The following KCTD2 variants were observed in gnomAD, a reference collection of about 807,000 sequenced individuals.
KCTD2 encodes potassium channel tetramerization domain containing 2, also known as BTB/POZ domain-containing protein KCTD2.
In KCTD2, 18 loss-of-function variants were observed where a neutral mutation model predicts 27.9. That is an observed-to-expected ratio of 0.64 (90% CI 0.45 to 0.96). The LOEUF (loss-of-function observed/expected upper bound fraction) is 0.96. Ranked by LOEUF, KCTD2 falls within the 40% of genes least tolerant of loss-of-function variation. The pLI, the probability that KCTD2 is intolerant of heterozygous loss-of-function variation, is 0.00. For missense variants in KCTD2, 280 were observed against 348.0 expected (o/e 0.80, Z 1.56); for synonymous variants, 175 against 148.4 (o/e 1.18, Z -1.30).
intron 2 of KCTD2, among the ~76,000 whole-genome samples, chr17:75,051,075 G>T (rs1163602001): frequency 6.6e-6 from 1 of 150,502 alleles, no homozygotes; most frequent in Admixed American, 6.7e-5. Context: ...CCAGGTTCAC[G>T]TCATTCTCCT....
chr17:75,059,514 C>G lies in KCTD2; in HGVS notation c.545C>G (p.Pro182Arg). 3 of 1,612,046 alleles carry G rather than the reference C, an allele frequency of 1.9e-6. No individual in the cohort carries two copies. Among genetic ancestry groups the G allele is most frequent in the Non-Finnish European group, 2.5e-6 (3 of 1,178,704 alleles). Residue 182 changes from proline (P) to arginine (R), a missense_variant, in exon 4 of 6, where the codon CCC becomes CGC. Pro to Arg is a moderately radical substitution (Grantham distance 103, BLOSUM62 -2). Coordinates refer to ENST00000322444, the MANE Select transcript of KCTD2 (RefSeq NM_015353.3). ...GTCTGCGCCTGGTCATTGCAGGGCC[C>G]CGTGAAGCACGTGTACAGAGTCCTG... ...RDNENRTSQG[P>R]VKHVYRVLQC...
intron 3 of KCTD2, among the ~76,000 whole-genome samples, chr17:75,056,038 A>T (rs1434273696): frequency 1.3e-5 from 2 of 152,134 alleles, no homozygotes; most frequent in African/African-American, 4.8e-5. Flanking sequence ...CTCAAAAAAA[A>T]AAAGTTTTCT....
intron 4 of KCTD2, 55 bp downstream of exon 4, chr17:75,059,660 C>G (rs2144940122): frequency 1.5e-6 from 2 of 1,378,376 alleles, no homozygotes; most frequent in East Asian, 4.6e-5. Flanking sequence ...GTCTGCAGCT[C>G]TTCAAACAAT....
chr17:75,034,588 C>T (rs942688256), intron 2 of KCTD2, among the ~76,000 whole-genome samples: 1 of 152,262 alleles, frequency 6.6e-6, no homozygotes. Flanking sequence ...TCACCGCGCT[C>T]CAAGCCTGAG....
At chr17:75,035,132 T>A (rs2040102613) in intron 2 of KCTD2, 1 of 152,280 alleles carries the variant, frequency 6.6e-6, no homozygotes, top group African/African-American at 2.4e-5. Flanking sequence ...GCCTAATGGA[T>A]AAGGCGTCTG....
In KCTD2 at chr17:75,062,127, G is replaced by A; in HGVS notation, c.644G>A (p.Ser215Asn). 3 of 1,614,000 alleles carry A rather than the reference G, an allele frequency of 1.9e-6. No individual in the cohort carries two copies. The highest frequency in any genetic ancestry group is 1.7e-6 in the Non-Finnish European group (2 of 1,179,918). ...SDGWKFEQLISIGSSYNYGNE... is the reference protein window; with the variant it reads ...SDGWKFEQLINIGSSYNYGNE... ...GTATTCTTGGTTCATCAGCTCATCA[G>A]CATCGGATCTTCCTATAACTACGGC... The change falls in exon 5 of 6, where the codon AGC becomes AAC. Residue 215 changes from serine to asparagine, a missense_variant. Coordinates refer to ENST00000322444, the MANE Select transcript of KCTD2 (RefSeq NM_015353.3).
upstream of KCTD2, among the ~76,000 whole-genome samples, chr17:75,044,165 C>T (rs2073188894): frequency 6.7e-6 from 1 of 149,016 alleles, no homozygotes; most frequent in South Asian, 2.1e-4. Context: ...GCTGGGATTA[C>T]AGGCACCCAC....
At chr17:75,052,992 T>G in intron 2 of KCTD2, 22 bp from the exon 3 acceptor site, 1 of 1,595,304 alleles carries the variant, frequency 6.3e-7, no homozygotes, top group Non-Finnish European at 8.6e-7. Flanking sequence ...CCTATCTGAC[T>G]GCAGTTTTGT....
chr17:75,040,183 G>A (rs1229157020), intron 3 of KCTD2: 1 of 1,612,064 alleles, frequency 6.2e-7, no homozygotes, highest in Admixed American at 1.7e-5. Context: ...CAAGGGCACG[G>A]GAACCTTCAG....
At chr17:75,049,730 T>C (rs2073265520) in intron 2 of KCTD2, among the ~76,000 whole-genome samples, 1 of 152,248 alleles carries the variant, frequency 6.6e-6, no homozygotes, top group African/African-American at 2.4e-5. Context: ...TGTACAAAAA[T>C]AATAAAGGCT....
chr17:75,033,688 C>T (rs1241138925), intron 1 of KCTD2, among the ~76,000 whole-genome samples: 3 of 152,248 alleles, frequency 2.0e-5, no homozygotes, highest in Admixed American at 6.5e-5. Flanking sequence ...ACCCTCGGGG[C>T]TCCATGGGGC....
intron 5 of KCTD2, 99 bp from the exon 6 acceptor site, chr17:75,062,919 G>T: frequency 7.7e-7 from 1 of 1,293,802 alleles, no homozygotes; most frequent in Non-Finnish European, 1.1e-6. Flanking sequence ...TGGGATGACA[G>T]GACCATCATG....
intron 3 of KCTD2, among the ~76,000 whole-genome samples, chr17:75,038,465 A>G (rs947102691): frequency 6.6e-6 from 1 of 152,052 alleles, no homozygotes; most frequent in Non-Finnish European, 1.5e-5. Context: ...TTCTAATACC[A>G]CTTTTGTGCT....
intron 1 of KCTD2, 86 bp downstream of exon 1, chr17:75,047,675 C>T (rs1298590411): frequency 1.4e-6 from 2 of 1,387,488 alleles, no homozygotes; most frequent in African/African-American, 1.5e-5. Flanking sequence ...AGACACGCTC[C>T]TCACAGGCAG....
intron 3 of KCTD2, among the ~76,000 whole-genome samples, chr17:75,058,966 C>T (rs1026643352): frequency 6.6e-5 from 10 of 151,806 alleles, no homozygotes; most frequent in South Asian, 2.1e-4. Context: ...GGCGTGGTGG[C>T]GGGTGCCTGT....
upstream of KCTD2, among the ~76,000 whole-genome samples, chr17:75,045,068 C>CA (rs2073199549): frequency 6.6e-6 from 1 of 152,166 alleles, no homozygotes; most frequent in South Asian, 2.1e-4. Flanking sequence ...ACTGGCTTGA[C>CA]AGAGTACAAA....
chr17:75,047,630 C>G, intron 1 of KCTD2, 41 bp downstream of exon 1: 1 of 1,575,634 alleles, frequency 6.3e-7, no homozygotes, highest in South Asian at 1.1e-5. Flanking sequence ...CCTTCGAACC[C>G]CCTGGTTTCT....
At chr17:75,043,611 CAAAAA>C (rs533075854), upstream of KCTD2, among the ~76,000 whole-genome samples, 1 of 80,696 alleles carries the variant, frequency 1.2e-5, no homozygotes, top group Admixed American at 1.5e-4. Context: ...GACTCTGTCT[CAAAAA>C]AAAAAAAAAA....
rs1202338156 is a variant in KCTD2, at chr17:75,047,237, G to T, written c.-14G>T. On this transcript the variant is annotated 5_prime_UTR_variant, in exon 1 of 6. Coordinates refer to ENST00000322444, the MANE Select transcript of KCTD2 (RefSeq NM_015353.3). ...GCTGCGCGCGGGCAGCAGCGGTGGC[G>T]GCGGCGGTCCAAGATGGCGGAACTG... 18 of 903,172 alleles carry T rather than the reference G, an allele frequency of 2.0e-5. No individual in the cohort carries two copies. The East Asian group carries it at 5.9e-4, about 30-fold the overall frequency. The allele number at this position is 903,172 out of a possible 1,614,324, so 55.9% of individuals were successfully genotyped here.
Sources: allele counts gnomAD v4.1 joint callset (sites outside exome capture counted in the v4.1 genomes callset), GRCh38; gene constraint gnomAD v4.1.1; transcripts MANE v1.5; gene names NCBI Gene and HGNC (gene_info 2026-07-23, HGNC 2026-07-21).